Variants in NCAPD3 observed in about 807,000 individuals in gnomAD.
NCAPD3 encodes the protein non-SMC condensin II complex subunit D3, also known as condensin-2 complex subunit D3.
A neutral mutation model predicts 182.9 loss-of-function variants in NCAPD3; 105 were observed. The observed-to-expected ratio is 0.57, with a 90% CI of 0.49 to 0.68. The LOEUF (loss-of-function observed/expected upper bound fraction) is 0.68, where lower values mean the gene tolerates loss of function less well. NCAPD3 is among the 30% of genes least tolerant of loss of function. The probability of loss-of-function intolerance (pLI) is 0.00; values close to 1 mark genes in which losing one functional copy is unlikely to be tolerated. For missense variants in NCAPD3, 1,944 were observed against 1,837.0 expected, an observed-to-expected ratio of 1.06 and a Z score of -1.07; for synonymous variants, 815 against 679.9, an observed-to-expected ratio of 1.20 and a Z score of -3.09.
chr11:134,217,570 C>T (rs1480440104), intron 2 of NCAPD3, among the ~76,000 whole-genome samples: 3 of 152,038 alleles, frequency 2.0e-5, no homozygotes, highest in Non-Finnish European at 1.5e-5. Flanking sequence ...AAAGAGATCT[C>T]GGAAATGGCC....
In NCAPD3 at chr11:134,183,456, T is replaced by A. The variant is rs186801472; in HGVS notation, c.2451+1181A>T. Among the ~76,000 whole-genome samples, 3 of 152,260 alleles carry A rather than the reference T, an allele frequency of 2.0e-5. No individual in the cohort carries two copies. The East Asian group carries it at 5.8e-4, about 29-fold the overall frequency. ...GATAGCATGTGCCTGTAATCCCAGC[T>A]ACTCGGGAGGCTGAGGCACGAGAAT... is the stretch of plus-strand genomic sequence containing the variant. On this transcript the variant is annotated intron_variant, in intron 19 of 34. Transcript: ENST00000534548.
At chr11:134,155,396 C>A (rs967613657) in intron 32 of NCAPD3, among the ~76,000 whole-genome samples, 5 of 152,080 alleles carry the variant, frequency 3.3e-5, no homozygotes, top group African/African-American at 4.8e-5. Context: ...GAAGGGGAGA[C>A]CTCCAGGCAT....
intron 27 of NCAPD3, among the ~76,000 whole-genome samples, chr11:134,162,517 CCA>C (rs1943614225): frequency 6.6e-6 from 1 of 152,106 alleles, no homozygotes; most frequent in Non-Finnish European, 1.5e-5. Flanking sequence ...CTATAGTAGC[CCA>C]CATATGCAAG....
chr11:134,167,026 A>G (rs1943843449), intron 27 of NCAPD3, among the ~76,000 whole-genome samples: 1 of 101,976 alleles, frequency 9.8e-6, no homozygotes, highest in Non-Finnish European at 1.8e-5. Flanking sequence ...CACTAGTGAG[A>G]TGAGCTTGGG....
chr11:134,175,552 A>T (rs1944140833), intron 24 of NCAPD3, among the ~76,000 whole-genome samples: 1 of 152,254 alleles, frequency 6.6e-6, no homozygotes, highest in South Asian at 2.1e-4. Flanking sequence ...ATTTAGATCC[A>T]GAGGGACCCA....
intron 27 of NCAPD3, among the ~76,000 whole-genome samples, chr11:134,164,702 G>A (rs1027328222): frequency 6.6e-6 from 1 of 150,912 alleles, no homozygotes. Flanking sequence ...AATAAGCTTA[G>A]GGGAGCTGTA....
At position 134,159,880 on chromosome 11, in the gene NCAPD3, C is replaced by A; in HGVS notation, c.3867+12G>T. 1 of 1,608,712 alleles carries A rather than the reference C, an allele frequency of 6.2e-7. No individual in the cohort carries two copies. The highest frequency in any genetic ancestry group is 2.2e-5 in the East Asian group (1 of 44,804). On this transcript the variant is annotated intron_variant, in intron 29 of 34. Transcript: ENST00000534548. ...GACTGTCTGGTCACAGTGCAGTGGG[C>A]CCCACACCTACCTGTGCCACAGGTG...
At chr11:134,168,884 T>C in intron 25 of NCAPD3, 33 bp downstream of exon 25, 1 of 1,601,060 alleles carries the variant, frequency 6.2e-7, no homozygotes. Flanking sequence ...CTTACCCAGA[T>C]ACAAGGAGAC....
At chr11:134,220,344 A>G (rs1938180451) in intron 2 of NCAPD3, among the ~76,000 whole-genome samples, 1 of 151,566 alleles carries the variant, frequency 6.6e-6, no homozygotes, top group Non-Finnish European at 1.5e-5. Flanking sequence ...TTAATTTGCT[A>G]TTGTAAAAAA....
intron 3 of NCAPD3, 50 bp downstream of exon 3, chr11:134,216,886 G>C: frequency 1.3e-6 from 2 of 1,526,178 alleles, no homozygotes; most frequent in African/African-American, 1.4e-5. Context: ...GAAAACTGTA[G>C]AAAGAAAAAA....
At chr11:134,153,391 G>GA in intron 32 of NCAPD3, 28 bp from the exon 33 acceptor site, 1 of 1,610,276 alleles carries the variant, frequency 6.2e-7, no homozygotes. Flanking sequence ...ACCACTGAGT[G>GA]AAAGCCGCGT....
chr11:134,162,510 T>C (rs189483259), intron 27 of NCAPD3, among the ~76,000 whole-genome samples: 20 of 152,290 alleles, frequency 1.3e-4, no homozygotes, highest in African/African-American at 4.1e-4. Context: ...AAAAGCACTA[T>C]AGTAGCCCAC....
intron 4 of NCAPD3, chr11:134,209,708 C>CT (rs1937756951): frequency 9.1e-6 from 4 of 438,904 alleles, no homozygotes; most frequent in South Asian, 3.9e-5. Context: ...ATGAGGAATC[C>CT]TTTTTTTCAG....
intron 28 of NCAPD3, among the ~76,000 whole-genome samples, chr11:134,160,713 G>A (rs1285833383): frequency 1.3e-5 from 2 of 152,104 alleles, no homozygotes; most frequent in African/African-American, 4.8e-5. Flanking sequence ...AACAGTAATA[G>A]GGAGAAAAAG....
chr11:134,158,153 C>T, intron 30 of NCAPD3, 86 bp from the exon 31 acceptor site: 1 of 1,540,548 alleles, frequency 6.5e-7, no homozygotes, highest in Non-Finnish European at 8.8e-7. Flanking sequence ...CGCGTGCCTC[C>T]TCACCGGCGC....
At position 134,184,808 on chromosome 11, in the gene NCAPD3, TATACACACACAC is replaced by T. The variant is rs1050780320; in HGVS notation, c.2336-68_2336-57del. 1.2e-4 allele frequency: 113 copies of T among 955,560 alleles called. No individual in the cohort carries two copies. The Admixed American group carries it at 1.6e-3, about 13-fold the overall frequency. The allele number at this position is 955,560 out of a possible 1,614,324, so 59.2% of individuals were successfully genotyped here. A position where few individuals can be genotyped will look rare whatever the true frequency, so the allele number is the denominator to read the frequency against. On this transcript the variant is annotated intron_variant, in intron 18 of 34. Transcript: ENST00000534548. Reference sequence around the variant, plus strand: ...AACTGCTTAAATATATTCAGGTATATATACACACACACACACACACACACACACACACACACA... The same window carrying T: ...AACTGCTTAAATATATTCAGGTATATACACACACACACACACACACACACA...
At chr11:134,155,517 C>T (rs760905770) in intron 32 of NCAPD3, among the ~76,000 whole-genome samples, 7 of 152,138 alleles carry the variant, frequency 4.6e-5, no homozygotes, top group East Asian at 1.9e-4. Context: ...TGACACCGGG[C>T]GCCTGATTTC....
chr11:134,164,743 T>A (rs116397027), intron 27 of NCAPD3, among the ~76,000 whole-genome samples: 1,769 of 144,060 alleles, frequency 0.012, 30 homozygotes, highest in African/African-American at 0.044. Context: ...TTAGGGAGCT[T>A]CACACTCACT....
intron 32 of NCAPD3, among the ~76,000 whole-genome samples, chr11:134,155,363 A>C (rs1322030196): frequency 6.6e-6 from 1 of 152,216 alleles, no homozygotes; most frequent in Non-Finnish European, 1.5e-5. Flanking sequence ...GAGTGCTTTT[A>C]AACTATCTAA....
Sources: gnomAD v4.1 joint callset for allele counts (sites outside exome capture counted in the v4.1 genomes callset) on GRCh38, gnomAD v4.1.1 for gene constraint, MANE v1.5 for transcripts, NCBI Gene and HGNC (gene_info 2026-07-23, HGNC 2026-07-21) for gene names.